The following AP5Z1 variants were observed in gnomAD, a reference collection of about 807,000 sequenced individuals.
AP5Z1 encodes AP-5 complex subunit zeta-1.
AP5Z1 carries 106 observed loss-of-function variants against 83.0 expected under a neutral mutation model. The observed-to-expected ratio is 1.28, with a 90% CI of 1.09 to 1.50. AP5Z1 has a LOEUF of 1.50. Among genes scored for constraint, AP5Z1 ranks in the 40% most tolerant of loss-of-function variants. AP5Z1 has a pLI of 0.00. For missense variants in AP5Z1, 1,565 were observed against 1,094.2 expected (o/e 1.43, Z -6.07); for synonymous variants, 751 against 514.1 (o/e 1.46, Z -6.23).
intron 1 of AP5Z1, among the ~76,000 whole-genome samples, chr7:4,778,916 C>A: frequency 6.9e-6 from 1 of 144,162 alleles, no homozygotes; most frequent in Non-Finnish European, 1.5e-5. Context: ...TAGTGTAGTC[C>A]CAGCTACTTG....
At chr7:4,781,892 TTGAGGCTGG>T in intron 3 of AP5Z1, 138 bp downstream of exon 3, 1 of 1,071,924 alleles carries the variant, frequency 9.3e-7, no homozygotes, top group Admixed American at 3.2e-5. Context: ...CCTGGCACAC[TTGAGGCTGG>T]GGCATGCCCT....
intron 1 of AP5Z1, among the ~76,000 whole-genome samples, chr7:4,778,874 T>A (rs1781294374): frequency 6.9e-6 from 1 of 145,092 alleles, no homozygotes; most frequent in Non-Finnish European, 1.5e-5. Context: ...TTATATATAA[T>A]CAAAAAAAGA....
Position 4,784,474 on chromosome 7 carries a change from C to G in AP5Z1, c.790+103C>G, listed in dbSNP as rs922300608. The G allele has an allele frequency of 7.8e-5, 108 of 1,376,578 alleles. No individual in the cohort carries two copies. The Admixed American group carries it at 2.3e-3, about 30-fold the overall frequency. 85.3% of individuals were successfully genotyped at this position (1,376,578 alleles called of 1,614,324 possible). On this transcript the variant is annotated intron_variant, in intron 6 of 16. Coordinates refer to ENST00000649063, the MANE Select transcript of AP5Z1 (RefSeq NM_014855.3). ...CGGAGGTGGGGGGACTCGGGTGTGCCCAGGATGCAGCAGAGGTCAGGACTG... is the reference window on the plus strand; with the variant it reads ...CGGAGGTGGGGGGACTCGGGTGTGCGCAGGATGCAGCAGAGGTCAGGACTG...
chr7:4,781,013 A>G (rs1003950147), intron 1 of AP5Z1, among the ~76,000 whole-genome samples, 162 bp from the exon 2 acceptor site: 5 of 152,178 alleles, frequency 3.3e-5, no homozygotes, highest in Non-Finnish European at 7.3e-5. Flanking sequence ...AGCTCAGGGA[A>G]TCAGCGAATT....
chr7:4,775,876 C>T (rs966771846), intron 1 of AP5Z1, 120 bp downstream of exon 1: 17 of 1,396,676 alleles, frequency 1.2e-5, no homozygotes, highest in African/African-American at 8.7e-5. Context: ...CTGGACTCGC[C>T]CTCGAGACTT....
chr7:4,776,194 A>C (rs1292903542), intron 1 of AP5Z1, among the ~76,000 whole-genome samples: 1 of 151,504 alleles, frequency 6.6e-6, no homozygotes, highest in Admixed American at 6.6e-5. Context: ...GGCTTTGCGG[A>C]ACCGTGGGAG....
chr7:4,782,097 G>A (rs930074031), intron 3 of AP5Z1, among the ~76,000 whole-genome samples: 2 of 152,200 alleles, frequency 1.3e-5, no homozygotes, highest in Admixed American at 6.5e-5. Flanking sequence ...CTGCTGTCCA[G>A]TGTAGAGTGC....
chr7:4,790,195 G>A (rs1225895930), intron 14 of AP5Z1: 1 of 1,546,222 alleles, frequency 6.5e-7, no homozygotes, highest in Non-Finnish European at 8.7e-7. Context: ...CTTGTCCCCT[G>A]GGGTCCTTCT....
chr7:4,790,246 T>G (rs1489811703), intron 14 of AP5Z1: 1 of 1,547,042 alleles, frequency 6.5e-7, no homozygotes, highest in Admixed American at 1.9e-5. Flanking sequence ...CTGGTTCCAC[T>G]CTGAGCCTGG....
Position 4,792,179 on chromosome 7 carries a change from G to A in AP5Z1, c.*794G>A, listed in dbSNP as rs1336527754. ...CCCCGCCACCTTCCTGGGCCCTGTG[G>A]TCCCACCCTCCGGACTACCAAGGCA... On this transcript the variant is annotated 3_prime_UTR_variant, in exon 17 of 17. Coordinates refer to ENST00000649063, the MANE Select transcript of AP5Z1 (RefSeq NM_014855.3). 3.9e-5 allele frequency: 6 copies of A among 152,180 alleles called. 1 individual carries two copies. Among genetic ancestry groups the A allele is most frequent in the Admixed American group, 3.9e-4 (6 of 15,284 alleles). 9.4% of individuals were successfully genotyped at this position (152,180 alleles called of 1,614,324 possible).
rs150404458 is a variant in AP5Z1 at position 4,787,846 on chromosome 7, C to T, written c.1454+70C>T. ...GGTTCCACACACTGGGCCCCCTCCT[C>T]GCTGCTCCTGACCCCTACACCGGGG... On this transcript the variant is annotated intron_variant, in intron 11 of 16. Transcript: ENST00000649063. The T allele has an allele frequency of 1.1e-4, 157 of 1,471,732 alleles. 3 individuals are homozygous for T. The African/African-American group carries it at 1.7e-3, about 16-fold the overall frequency. The allele number at this position is 1,471,732 out of a possible 1,614,324, so 91.2% of individuals were successfully genotyped here. A position where few individuals can be genotyped will look rare whatever the true frequency, so the allele number is the denominator to read the frequency against.
At chr7:4,784,779 G>T in intron 6 of AP5Z1, 129 bp from the exon 7 acceptor site, 1 of 1,292,210 alleles carries the variant, frequency 7.7e-7, no homozygotes, top group Non-Finnish European at 1.0e-6. Flanking sequence ...GTCCTGAGAC[G>T]GTGACGCCTC....
intron 9 of AP5Z1, 135 bp from the exon 10 acceptor site, chr7:4,786,115 G>T: frequency 1.2e-6 from 1 of 859,584 alleles, no homozygotes; most frequent in South Asian, 2.2e-5. Flanking sequence ...CGCTTCCCCA[G>T]CGTCCCAGCG....
intron 1 of AP5Z1, among the ~76,000 whole-genome samples, 167 bp from the exon 2 acceptor site, chr7:4,781,008 A>G (rs948286583): frequency 1.3e-5 from 2 of 152,204 alleles, no homozygotes; most frequent in African/African-American, 2.4e-5. Flanking sequence ...GAACCAGCTC[A>G]GGGAATCAGC....
At chr7:4,790,188 G>A (rs1224499795) in intron 14 of AP5Z1, 2 of 1,541,126 alleles carry the variant, frequency 1.3e-6, no homozygotes, top group Non-Finnish European at 1.7e-6. Flanking sequence ...TCCCCGTCTT[G>A]TCCCCTGGGG....
intron 13 of AP5Z1, 24 bp downstream of exon 13, chr7:4,788,975 C>A: frequency 6.3e-7 from 1 of 1,596,354 alleles, no homozygotes; most frequent in East Asian, 2.3e-5. Flanking sequence ...CTGGGGCCCC[C>A]CATTCCCACA....
chr7:4,781,515 T>A, intron 2 of AP5Z1, 53 bp from the exon 3 acceptor site: 1 of 1,579,516 alleles, frequency 6.3e-7, no homozygotes, highest in Non-Finnish European at 8.6e-7. Flanking sequence ...CACCGGGTGC[T>A]CCTGCCACGG....
chr7:4,781,195 TGAA>T lies in AP5Z1; in HGVS notation c.67_69del (p.Lys23del). On this transcript the variant is annotated inframe_deletion, in exon 2 of 17. Coordinates refer to ENST00000649063, the MANE Select transcript of AP5Z1 (RefSeq NM_014855.3). Reference sequence around the variant, plus strand: ...TTTAGGGAGATCCAGGACGAGGAGCTGAAGAAGTTCTGTTCCCGGATCTGTAAA... The same window carrying T: ...TTTAGGGAGATCCAGGACGAGGAGCTGAAGTTCTGTTCCCGGATCTGTAAA... 1.2e-6 allele frequency: 2 copies of T among 1,613,996 alleles called. No individual in the cohort carries two copies. The highest frequency in any genetic ancestry group is 2.2e-5 in the East Asian group (1 of 44,882).
intron 16 of AP5Z1, 82 bp from the exon 17 acceptor site, chr7:4,791,033 G>A (rs549094030): frequency 1.9e-4 from 286 of 1,474,656 alleles, no homozygotes; most frequent in East Asian, 1.1e-3. Flanking sequence ...TCTGCTGGGC[G>A]CTTCAGGCCT....
Sources: gnomAD v4.1 joint callset for allele counts (sites outside exome capture counted in the v4.1 genomes callset) on GRCh38, gnomAD v4.1.1 for gene constraint, MANE v1.5 for transcripts, NCBI Gene and HGNC (gene_info 2026-07-23, HGNC 2026-07-21) for gene names.